The following MAP2K2 variants were observed in gnomAD, a reference collection of about 807,000 sequenced individuals.
MAP2K2 encodes the protein dual specificity mitogen-activated protein kinase kinase 2.
A neutral mutation model predicts 43.7 loss-of-function variants in MAP2K2; 24 were observed. The observed-to-expected ratio is 0.55, with a 90% CI of 0.40 to 0.77. The LOEUF (loss-of-function observed/expected upper bound fraction) is 0.77, where lower values mean the gene tolerates loss of function less well. Among genes scored for constraint, MAP2K2 ranks in the 30% least tolerant of loss-of-function variants. The probability of loss-of-function intolerance (pLI) is 0.00; values close to 1 mark genes in which losing one functional copy is unlikely to be tolerated. For synonymous variants in MAP2K2, 244 were observed against 239.7 expected (o/e 1.02, Z -0.17); for missense variants, 470 against 566.8 (o/e 0.83, Z 1.73).
At chr19:4,109,193 C>G (rs560581759) in intron 3 of MAP2K2, among the ~76,000 whole-genome samples, 1 of 152,230 alleles carries the variant, frequency 6.6e-6, no homozygotes, top group African/African-American at 2.4e-5. Flanking sequence ...GTGGCGGGGT[C>G]GGCAGCATTT....
chr19:4,093,100 T>G (rs1409735961), intron 10 of MAP2K2, among the ~76,000 whole-genome samples: 2 of 151,950 alleles, frequency 1.3e-5, no homozygotes, highest in Admixed American at 1.3e-4. Context: ...TCCCAGCTAC[T>G]TAGGAGGCTG....
rs1166500685 is a variant in MAP2K2 at position 4,115,764 on chromosome 19, G to A, written c.303+1655C>T. Among the ~76,000 whole-genome samples, 2 of 152,208 alleles carry A rather than the reference G, an allele frequency of 1.3e-5. No homozygotes were observed. The highest frequency in any genetic ancestry group is 2.9e-5 in the Non-Finnish European group (2 of 68,018). The stretch of plus-strand genomic sequence containing the variant: ...CACCTGCGCAGACCCACGGGACTAG[G>A]TGCAGTCACGTTCCCCCAGTTTGGG... On this transcript the variant is annotated intron_variant, in intron 2 of 10. Coordinates refer to ENST00000262948, the MANE Select transcript of MAP2K2 (RefSeq NM_030662.4). The surrounding 1 kb of genome is among the most constrained non-coding windows in gnomAD (Gnocchi z 4.1).
At chr19:4,122,650 G>T (rs1177941234) in intron 1 of MAP2K2, among the ~76,000 whole-genome samples, 1 of 146,116 alleles carries the variant, frequency 6.8e-6, no homozygotes, top group Admixed American at 6.8e-5. Flanking sequence ...TCCTTGGCCT[G>T]ATCTCACGAC....
intron 8 of MAP2K2, 41 bp from the exon 9 acceptor site, chr19:4,095,490 G>A (rs925813347): frequency 8.6e-6 from 13 of 1,512,018 alleles, no homozygotes; most frequent in Middle Eastern, 1.7e-4. Context: ...CCTGGGCATC[G>A]TCAGGGACCC....
chr19:4,118,217 C>T (rs1053150309), intron 1 of MAP2K2, among the ~76,000 whole-genome samples: 17 of 152,278 alleles, frequency 1.1e-4, no homozygotes, highest in African/African-American at 3.8e-4. Context: ...GGATTATAGG[C>T]GTGAGCCATT....
At chr19:4,097,236 GAAAGA>G (rs2040931957) in intron 8 of MAP2K2, 38 bp downstream of exon 8, 2 of 853,684 alleles carry the variant, frequency 2.3e-6, no homozygotes, top group Middle Eastern at 2.7e-4. Context: ...AAAGAAAGAA[GAAAGA>G]AAAGGAAAAG....
rs1291541587 is a variant in MAP2K2, at chr19:4,102,443, G to C, written c.461C>G (p.Ser154Cys). ...GGCCTCTTTCAGCACCTGGTCCAGGGAGCCGCCGTCCTAGAGGGCACACAA... is the reference window on the plus strand; with the variant it reads ...GGCCTCTTTCAGCACCTGGTCCAGGCAGCCGCCGTCCTAGAGGGCACACAA... ...SICMEHMDGGSLDQVLKEAKR... is the reference protein window; with the variant it reads ...SICMEHMDGGCLDQVLKEAKR... Residue 154 changes from serine (S) to cysteine (C), a missense_variant, in exon 4 of 11, where the codon TCC becomes TGC. This residue lies in a region of MAP2K2 where 200 missense variants were observed against 297.9 expected (regional missense o/e 0.67). Transcript: ENST00000262948. The C allele has an allele frequency of 6.2e-7, 1 of 1,603,612 alleles. No homozygotes were observed. Among genetic ancestry groups the C allele is most frequent in the South Asian group, 1.1e-5 (1 of 89,170 alleles).
At chr19:4,105,468 CTA>C (rs2041074600) in intron 3 of MAP2K2, among the ~76,000 whole-genome samples, 3 of 151,954 alleles carry the variant, frequency 2.0e-5, no homozygotes, top group East Asian at 1.9e-4. Flanking sequence ...TGGGGTTTCA[CTA>C]CTGGTGTTAG....
Position 4,099,421 on chromosome 19 carries a change from C to T in MAP2K2, c.706-7G>A, listed in dbSNP as rs2145050607. The stretch of plus-strand genomic sequence containing the variant: ...TGCCCTGCAACCGCTCCGGCTGCAG[C>T]AGAGCCAGGGAGGAAAGAGCCCAGA... On this transcript the variant is annotated splice_polypyrimidine_tract_variant and splice_region_variant and intron_variant, in intron 6 of 10. Transcript: ENST00000262948. The T allele has an allele frequency of 6.3e-7, 1 of 1,592,754 alleles. No individual in the cohort carries two copies. Among genetic ancestry groups the T allele is most frequent in the Non-Finnish European group, 8.6e-7 (1 of 1,169,488 alleles).
intron 6 of MAP2K2, 25 bp downstream of exon 6, chr19:4,100,994 G>T (rs1381548426): frequency 3.9e-6 from 6 of 1,551,980 alleles, no homozygotes; most frequent in Non-Finnish European, 5.2e-6. Flanking sequence ...AGGAGAGCTG[G>T]AGGGGAGAGC....
chr19:4,102,920 C>T (rs1473693233), intron 3 of MAP2K2: 5 of 1,142,578 alleles, frequency 4.4e-6, no homozygotes, highest in East Asian at 6.4e-5. Context: ...AGGGTGAGGG[C>T]GCGGAGGAGA....
chr19:4,096,448 G>A (rs1434181625), intron 8 of MAP2K2, among the ~76,000 whole-genome samples: 3 of 152,212 alleles, frequency 2.0e-5, no homozygotes, highest in African/African-American at 7.2e-5. Flanking sequence ...CTGGTCACGT[G>A]GCCAACAGGA....
At position 4,101,354 on chromosome 19, in the gene MAP2K2, A is replaced by T; in HGVS notation, c.529-74T>A. The T allele has an allele frequency of 6.7e-7, 1 of 1,492,124 alleles. No homozygotes were observed. Among genetic ancestry groups the T allele is most frequent in the Non-Finnish European group, 9.1e-7 (1 of 1,094,304 alleles). The allele number at this position is 1,492,124 out of a possible 1,614,324, so 92.4% of individuals were successfully genotyped here. On this transcript the variant is annotated intron_variant, in intron 4 of 10. Coordinates refer to ENST00000262948, the MANE Select transcript of MAP2K2 (RefSeq NM_030662.4). This position sits in a 1 kb window ranked among gnomAD's most constrained non-coding sequence, Gnocchi z 6.3. ...GCTCCTGACCGAGCCCGGGGGTCAG[A>T]GCTGAGCAGTCAGAGCTGGAGCGAG...
intron 1 of MAP2K2, among the ~76,000 whole-genome samples, chr19:4,121,568 CACA>C (rs1230418268): frequency 1.8e-5 from 2 of 108,758 alleles, no homozygotes; most frequent in Non-Finnish European, 3.8e-5. Context: ...CCAGAACCCC[CACA>C]ACATGACCCC....
intron 1 of MAP2K2, among the ~76,000 whole-genome samples, chr19:4,119,215 A>T (rs1399991676): frequency 1.3e-5 from 2 of 151,840 alleles, no homozygotes; most frequent in African/African-American, 4.8e-5. Flanking sequence ...TAATTAATTA[A>T]TTTTTATTAT....
chr19:4,090,747 G>A lies in MAP2K2; in HGVS notation c.1093-39C>T, dbSNP rs953553327. Reference sequence around the variant, plus strand: ...GGAGCCGTGAGCACCCGGGCCTGGAGTCACAGTAGGACGGGGAGGGCCAGC... The same window carrying A: ...GGAGCCGTGAGCACCCGGGCCTGGAATCACAGTAGGACGGGGAGGGCCAGC... On this transcript the variant is annotated intron_variant, in intron 10 of 10. Transcript: ENST00000262948. 5.0e-6 allele frequency: 7 copies of A among 1,395,898 alleles called. No homozygotes were observed. In the African/African-American group the frequency reaches 7.1e-5, roughly 14 times the overall value. The allele number at this position is 1,395,898 out of a possible 1,614,324, so 86.5% of individuals were successfully genotyped here.
At chr19:4,112,575 C>T (rs113819987) in intron 2 of MAP2K2, among the ~76,000 whole-genome samples, 121 of 152,274 alleles carry the variant, frequency 7.9e-4, no homozygotes, top group Admixed American at 2.1e-3. Context: ...TGGCAGGGCC[C>T]GGGGCACGGT....
At chr19:4,109,332 C>T (rs1390467150) in intron 3 of MAP2K2, among the ~76,000 whole-genome samples, 1 of 152,202 alleles carries the variant, frequency 6.6e-6, no homozygotes, top group Non-Finnish European at 1.5e-5. Context: ...GCCTGTACCC[C>T]ACCCTAGAGA....
At position 4,097,337 on chromosome 19, in the gene MAP2K2, C is replaced by T; in HGVS notation, c.926G>A (p.Gly309Glu). 1 of 1,612,616 alleles carries T rather than the reference C, an allele frequency of 6.2e-7. No individual in the cohort carries two copies. The highest frequency in any genetic ancestry group is 8.5e-7 in the Non-Finnish European group (1 of 1,179,476). Residue 309 changes from glycine (G) to glutamate (E), a missense_variant, in exon 8 of 11, where the codon GGG becomes GAG. Around this residue, in one of 3 missense-constraint regions of MAP2K2, gnomAD observed 212 missense variants for 220.8 expected, o/e 0.96. Coordinates refer to ENST00000262948, the MANE Select transcript of MAP2K2 (RefSeq NM_030662.4). ...RPPGRPVSGH[G>E]MDSRPAMAIF... The stretch of plus-strand genomic sequence containing the variant: ...GGCCATGGCAGGCCGGCTATCCATC[C>T]CGTGACCTGCACAGGGAGAGAGATG...
Sources: gnomAD v4.1 joint callset for allele counts (sites outside exome capture counted in the v4.1 genomes callset) on GRCh38, gnomAD v4.1.1 for gene constraint, gnomAD v4.1.1 regional missense constraint, Gnocchi (gnomAD v3.1) non-coding constraint, MANE v1.5 for transcripts, NCBI Gene and HGNC (gene_info 2026-07-23, HGNC 2026-07-21) for gene names.